Variants in PINX1 observed in about 807,000 individuals in gnomAD.
PINX1 encodes the protein PIN2/TERF1-interacting telomerase inhibitor 1.
PINX1 carries 34 observed loss-of-function variants against 25.4 expected under a neutral mutation model. The ratio of observed to expected loss-of-function variants is 1.34; its 90% confidence interval spans 1.02 to 1.78. The LOEUF is 1.78. Ranked by LOEUF, PINX1 falls within the 40% of genes most tolerant of loss-of-function variation. PINX1 has a pLI of 0.00. For synonymous variants in PINX1, 197 were observed against 147.7 expected (o/e 1.33, Z -2.42); for missense variants, 592 against 404.9 (o/e 1.46, Z -3.97).
At chr8:10,825,263 A>G (rs1798000049) in intron 5 of PINX1, 2 of 511,608 alleles carry the variant, frequency 3.9e-6, no homozygotes, top group South Asian at 1.5e-5. Flanking sequence ...CAATGCCCTG[A>G]TACGCATGAC....
chr8:10,802,033 T>C (rs1193577995), intron 6 of PINX1, among the ~76,000 whole-genome samples: 1 of 151,948 alleles, frequency 6.6e-6, no homozygotes, highest in Non-Finnish European at 1.5e-5. Context: ...AGCTACATCC[T>C]ACTGACAAAC....
intron 4 of PINX1, among the ~76,000 whole-genome samples, chr8:10,827,343 G>A (rs1024492063): frequency 1.3e-5 from 2 of 152,138 alleles, no homozygotes; most frequent in East Asian, 3.9e-4. Context: ...AAAGGAGCAG[G>A]AACACACCAT....
intron 5 of PINX1, among the ~76,000 whole-genome samples, chr8:10,823,650 A>T (rs1797944843): frequency 6.6e-6 from 1 of 152,156 alleles, no homozygotes; most frequent in Non-Finnish European, 1.5e-5. Context: ...GGAAAGGAAT[A>T]ATTATATATC....
chr8:10,772,409 GCT>G (rs1265154577), intron 6 of PINX1, among the ~76,000 whole-genome samples: 1 of 152,230 alleles, frequency 6.6e-6, no homozygotes, highest in Non-Finnish European at 1.5e-5. Context: ...GGGCGGCCCT[GCT>G]CTTCTCTCTA....
intron 5 of PINX1, 107 bp downstream of exon 5, chr8:10,826,045 C>T: frequency 1.6e-6 from 1 of 624,636 alleles, no homozygotes. Context: ...GCAGTCGGAG[C>T]TGTCCATAAA....
intron 6 of PINX1, among the ~76,000 whole-genome samples, chr8:10,792,140 C>A (rs935089076): frequency 5.3e-5 from 8 of 152,150 alleles, no homozygotes; most frequent in African/African-American, 1.9e-4. Context: ...GAGAATTATC[C>A]TCTCATTGGA....
rs113631737 is a variant in PINX1 at position 10,794,654 on chromosome 8, T to C, written c.471+25539A>G. On this transcript the variant is annotated intron_variant, in intron 6 of 6. Coordinates refer to ENST00000314787, the MANE Select transcript of PINX1 (RefSeq NM_017884.6). ...GTTGACCAGGCTGATCTCGAACTCC[T>C]GACCTTGTGATCCGTCCGATCACGA... Among the ~76,000 whole-genome samples the C allele has an allele frequency of 7.2e-5, 11 of 152,290 alleles. 1 individual carries two copies. Among genetic ancestry groups the C allele is most frequent in the Middle Eastern group, 3.4e-3 (1 of 294 alleles).
At chr8:10,837,312 G>C (rs1798433150) in intron 1 of PINX1, among the ~76,000 whole-genome samples, 1 of 152,180 alleles carries the variant, frequency 6.6e-6, no homozygotes, top group Non-Finnish European at 1.5e-5. Flanking sequence ...CACTACTGGA[G>C]GAATTAAGCG....
At chr8:10,771,484 G>C (rs1801221193) in intron 6 of PINX1, 2 of 152,174 alleles carry the variant, frequency 1.3e-5, no homozygotes, top group South Asian at 4.1e-4. Context: ...TTCTGTATTT[G>C]TTTAATTTGC....
At position 10,831,651 on chromosome 8, in the gene PINX1, T is replaced by A; in HGVS notation, c.301+14A>T. The A allele has an allele frequency of 6.5e-7, 1 of 1,549,690 alleles. No individual in the cohort carries two copies. Among genetic ancestry groups the A allele is most frequent in the Non-Finnish European group, 8.9e-7 (1 of 1,126,626 alleles). ...ATATTTGCATTGAGAACTTATGTCA[T>A]CTGATTTCCCTACCTGTGGTTTCCT... On this transcript the variant is annotated intron_variant, in intron 4 of 6. Coordinates refer to ENST00000314787, the MANE Select transcript of PINX1 (RefSeq NM_017884.6).
chr8:10,839,617 C>T (rs1253829059), intron 1 of PINX1, 121 bp downstream of exon 1: 6 of 1,012,486 alleles, frequency 5.9e-6, no homozygotes, highest in African/African-American at 1.6e-5. Flanking sequence ...CTCCCCGGTC[C>T]CCCGATCCCA....
At chr8:10,821,688 C>T (rs1002220944) in intron 5 of PINX1, among the ~76,000 whole-genome samples, 5 of 152,310 alleles carry the variant, frequency 3.3e-5, no homozygotes, top group Middle Eastern at 3.4e-3. Context: ...GCTTTGCTGC[C>T]AGCACAACCC....
chr8:10,824,071 T>C (rs1355237853), intron 5 of PINX1, among the ~76,000 whole-genome samples: 1 of 151,784 alleles, frequency 6.6e-6, no homozygotes, highest in Non-Finnish European at 1.5e-5. Flanking sequence ...ATCTTTATTA[T>C]CTACAATGCT....
chr8:10,767,051 T>G (rs767567566), intron 6 of PINX1, among the ~76,000 whole-genome samples: 1 of 152,208 alleles, frequency 6.6e-6, no homozygotes, highest in African/African-American at 2.4e-5. Context: ...TAGGTTTTCA[T>G]AGTCACCCAA....
At chr8:10,766,297 G>C (rs1408471434) in intron 6 of PINX1, among the ~76,000 whole-genome samples, 3 of 152,208 alleles carry the variant, frequency 2.0e-5, no homozygotes, top group Non-Finnish European at 4.4e-5. Flanking sequence ...CAGAAACAGG[G>C]ACACTGGTGT....
Position 10,820,258 on chromosome 8 carries a change from A to T in PINX1, c.406T>A (p.Ser136Thr). 1 of 1,610,838 alleles carries T rather than the reference A, an allele frequency of 6.2e-7. No individual in the cohort carries two copies. Among genetic ancestry groups the T allele is most frequent in the African/African-American group, 1.3e-5 (1 of 75,016 alleles). The stretch of plus-strand genomic sequence containing the variant: ...TCAAGATCTGTTTTGCTCCGAGATG[A>T]CAGATCCTTCCCTAGAAAAACAATG... ...YMKFTKGKDL[S>T]SRSKTDLDCI... Residue 136 changes from serine (S) to threonine (T), a missense_variant, in exon 6 of 7, where the codon TCA becomes ACA. Transcript: ENST00000314787.
At chr8:10,769,165 T>G (rs1481955582) in intron 6 of PINX1, among the ~76,000 whole-genome samples, 1 of 152,230 alleles carries the variant, frequency 6.6e-6, no homozygotes, top group Non-Finnish European at 1.5e-5. Flanking sequence ...CCAAATGTGA[T>G]TTAAGCTCAG....
intron 4 of PINX1, among the ~76,000 whole-genome samples, chr8:10,829,644 T>C (rs1798165841): frequency 6.6e-6 from 1 of 152,184 alleles, no homozygotes; most frequent in Admixed American, 6.5e-5. Context: ...CACTGCATTC[T>C]ATTTAATCTC....
intron 5 of PINX1, among the ~76,000 whole-genome samples, chr8:10,821,191 G>A (rs948147186): frequency 9.9e-5 from 15 of 152,206 alleles, no homozygotes; most frequent in Non-Finnish European, 1.5e-4. Flanking sequence ...GAGTTCCACC[G>A]TCACAGACTC....
Sources: allele counts gnomAD v4.1 joint callset (sites outside exome capture counted in the v4.1 genomes callset), GRCh38; gene constraint gnomAD v4.1.1; transcripts MANE v1.5; gene names NCBI Gene and HGNC (gene_info 2026-07-23, HGNC 2026-07-21).